Variants in HEATR4 observed in about 807,000 individuals in gnomAD.
HEATR4 encodes HEAT repeat-containing protein 4.
In HEATR4, 95 loss-of-function variants were observed where a neutral mutation model predicts 108.8. The ratio of observed to expected loss-of-function variants is 0.87; its 90% confidence interval spans 0.74 to 1.04. The LOEUF (loss-of-function observed/expected upper bound fraction) is 1.04, where lower values mean the gene tolerates loss of function less well. Among genes scored for constraint, HEATR4 ranks in the 50% least tolerant of loss-of-function variants. HEATR4 has a pLI of 0.00. For missense variants in HEATR4, 1,152 were observed against 1,253.8 expected (o/e 0.92, Z 1.23); for synonymous variants, 443 against 459.4 (o/e 0.96, Z 0.46).
chr14:73,534,298 G>C (rs1480714154), intron 1 of HEATR4, among the ~76,000 whole-genome samples: 1 of 109,546 alleles, frequency 9.1e-6, no homozygotes, highest in Non-Finnish European at 2.0e-5. Flanking sequence ...TGAATCACTG[G>C]AACCCGGGAG....
chr14:73,500,877 G>C lies in HEATR4; in HGVS notation c.2106-147C>G, dbSNP rs1192648007. 6 of 668,530 alleles carry C rather than the reference G, an allele frequency of 9.0e-6. 1 individual carries two copies. Among genetic ancestry groups the C allele is most frequent in the Non-Finnish European group, 1.5e-5 (6 of 398,650 alleles). 41.4% of individuals were successfully genotyped at this position (668,530 alleles called of 1,614,324 possible). On this transcript the variant is annotated intron_variant, in intron 11 of 17. Transcript: ENST00000553558. ...ATGCTCATGAGATAAGTTTTACTGG[G>C]TACAGAGCTCGATTGTCTTCTTTAC... is the stretch of plus-strand genomic sequence containing the variant.
At chr14:73,565,684 G>A in the HEATR4 span, among the ~76,000 whole-genome samples, 1 of 151,976 alleles carries the variant, frequency 6.6e-6, no homozygotes, top group Non-Finnish European at 1.5e-5. Flanking sequence ...AGCTCTTAAG[G>A]CGGCGTGTCT....
At chr14:73,493,261 G>T (rs1415196753) in intron 16 of HEATR4, 137 bp from the exon 17 acceptor site, 11 of 671,288 alleles carry the variant, frequency 1.6e-5, no homozygotes, top group Admixed American at 9.4e-5. Context: ...GCTTGAGACA[G>T]ATATTAGATT....
Position 73,509,387 on chromosome 14 carries a change from C to T in HEATR4, c.1645G>A (p.Ala549Thr), listed in dbSNP as rs1052437551. ...TGTATGGCATATTGGCATATTGCTG[C>T]TGCCATCCGCACATGGGCATTCTTG... ...CDKNAHVRMAAAICQYAIQSH... is the reference protein window; with the variant it reads ...CDKNAHVRMATAICQYAIQSH... The change falls in exon 8 of 18, where the codon GCA becomes ACA. Residue 549 changes from alanine to threonine, a missense_variant. Ala to Thr is a moderately conservative substitution (Grantham distance 58). Coordinates refer to ENST00000553558, the MANE Select transcript of HEATR4 (RefSeq NM_001220484.1). 1 of 1,614,106 alleles carries T rather than the reference C, an allele frequency of 6.2e-7. No individual in the cohort carries two copies.
At chr14:73,525,813 C>CTTG (rs1888290575) in intron 2 of HEATR4, among the ~76,000 whole-genome samples, 1 of 151,912 alleles carries the variant, frequency 6.6e-6, no homozygotes, top group South Asian at 2.1e-4. Flanking sequence ...ATTAGCTGGG[C>CTTG]GTGGTGGTGG....
chr14:73,542,358 G>C (rs1889114939), intron 1 of HEATR4, among the ~76,000 whole-genome samples: 3 of 101,708 alleles, frequency 2.9e-5, no homozygotes, highest in African/African-American at 1.0e-4. Context: ...AAAGATATTT[G>C]TAGTTGGTAT....
intron 5 of HEATR4, chr14:73,517,183 G>C (rs191914802): frequency 1.3e-5 from 2 of 152,150 alleles, no homozygotes; most frequent in African/African-American, 4.8e-5. Flanking sequence ...CATCAGCCTC[G>C]CGAGTGGCTG....
In HEATR4 at chr14:73,523,013, G is replaced by A; in HGVS notation, c.140C>T (p.Pro47Leu). Residue 47 changes from proline (P) to leucine (L), a missense_variant, in exon 3 of 18, where the codon CCT becomes CTT. By Grantham distance (98) the Pro-to-Leu change is moderately conservative (BLOSUM62 -3). Coordinates refer to ENST00000553558, the MANE Select transcript of HEATR4 (RefSeq NM_001220484.1). Reference sequence around the variant, plus strand: ...GTACTGTGAGCTGAAGAAGACCATAGGCACACTGGAGACAGAGGCACACTC... The same window carrying A: ...GTACTGTGAGCTGAAGAAGACCATAAGCACACTGGAGACAGAGGCACACTC... ...KEECASVSSV[P>L]MVFFSSQYRL... The A allele has an allele frequency of 6.2e-7, 1 of 1,614,040 alleles. No homozygotes were observed.
the HEATR4 span, chr14:73,619,912 C>CTT: frequency 7.6e-7 from 1 of 1,315,794 alleles, no homozygotes; most frequent in Non-Finnish European, 1.0e-6. Context: ...TTCTTTCTTT[C>CTT]TTTTCTCTTT....
At position 73,522,629 on chromosome 14, in the gene HEATR4, A is replaced by G; in HGVS notation, c.524T>C (p.Leu175Pro). 2.5e-6 allele frequency: 4 copies of G among 1,614,176 alleles called. No homozygotes were observed. The South Asian group carries it at 4.4e-5, about 18-fold the overall frequency. Residue 175 changes from leucine to proline, a missense_variant, in exon 3 of 18, where the codon CTG becomes CCG. Coordinates refer to ENST00000553558, the MANE Select transcript of HEATR4 (RefSeq NM_001220484.1). ...CACATCTAGAGAAGGTGGCCGACCC[A>G]GCATATCTGGATGCATGCAGGGATG... ...IHHPCMHPDM[L>P]GRPPSLDVNL...
At chr14:73,578,007 T>C in the HEATR4 span, among the ~76,000 whole-genome samples, 10 of 151,934 alleles carry the variant, frequency 6.6e-5, no homozygotes, top group East Asian at 2.0e-3. Context: ...CCCGCCACCA[T>C]GCCCAGCTAA....
intron 14 of HEATR4, among the ~76,000 whole-genome samples, chr14:73,497,784 G>A (rs150504394): frequency 0.018 from 2,678 of 152,008 alleles, 33 homozygotes; most frequent in Admixed American, 0.033. Flanking sequence ...GTGCCACCAT[G>A]CCTGGCTAAT....
Position 73,478,859 on chromosome 14 carries a change from A to G in HEATR4, c.2845-17T>C. On this transcript the variant is annotated splice_polypyrimidine_tract_variant and intron_variant, in intron 17 of 17. Coordinates refer to ENST00000553558, the MANE Select transcript of HEATR4 (RefSeq NM_001220484.1). Reference sequence around the variant, plus strand: ...CTTCACAGGCTGCAGAGAAACATGAAAACATGAGTGCATATGCCAAACGTG... The same window carrying G: ...CTTCACAGGCTGCAGAGAAACATGAGAACATGAGTGCATATGCCAAACGTG... 1 of 1,581,618 alleles carries G rather than the reference A, an allele frequency of 6.3e-7. No homozygotes were observed. The highest frequency in any genetic ancestry group is 8.6e-7 in the Non-Finnish European group (1 of 1,159,652).
At chr14:73,623,057 C>T in the HEATR4 span, among the ~76,000 whole-genome samples, 1 of 151,892 alleles carries the variant, frequency 6.6e-6, no homozygotes, top group Non-Finnish European at 1.5e-5. Flanking sequence ...TACAGGCATG[C>T]ACCACCATGC....
the HEATR4 span, chr14:73,569,540 G>A: frequency 1.2e-6 from 2 of 1,605,676 alleles, no homozygotes; most frequent in Non-Finnish European, 1.7e-6. Flanking sequence ...GCGCGTCCCT[G>A]CGCGACGAGA....
intron 16 of HEATR4, among the ~76,000 whole-genome samples, chr14:73,494,992 C>G (rs2140253872): frequency 6.6e-6 from 1 of 151,716 alleles, no homozygotes; most frequent in Middle Eastern, 3.4e-3. Flanking sequence ...ACTTTTAAGT[C>G]AGTTCAAATA....
chr14:73,587,630 A>G, the HEATR4 span, among the ~76,000 whole-genome samples: 1 of 152,204 alleles, frequency 6.6e-6, no homozygotes, highest in East Asian at 1.9e-4. Flanking sequence ...TGCTAGGATT[A>G]CAGGAATGAG....
intron 7 of HEATR4, among the ~76,000 whole-genome samples, chr14:73,510,593 G>A (rs891554540): frequency 2.6e-5 from 4 of 152,006 alleles, no homozygotes; most frequent in South Asian, 2.1e-4. Flanking sequence ...CTGTCACCAC[G>A]CCTGGCTAAT....
the HEATR4 span, among the ~76,000 whole-genome samples, chr14:73,614,659 ATCGC>A: frequency 6.6e-6 from 1 of 151,824 alleles, no homozygotes; most frequent in Non-Finnish European, 1.5e-5. Flanking sequence ...AGGTGGGAGA[ATCGC>A]TTGAACCCGG....
Sources: gnomAD v4.1 joint callset for allele counts (sites outside exome capture counted in the v4.1 genomes callset) on GRCh38, gnomAD v4.1.1 for gene constraint, MANE v1.5 for transcripts, NCBI Gene and HGNC (gene_info 2026-07-23, HGNC 2026-07-21) for gene names.